Variants in DAB1 observed in about 807,000 individuals in gnomAD.
DAB1 encodes the protein disabled homolog 1.
A neutral mutation model predicts 64.6 loss-of-function variants in DAB1; 15 were observed. That is an observed-to-expected ratio of 0.23 (90% CI 0.16 to 0.36). DAB1 has a LOEUF of 0.36. Ranked by LOEUF, DAB1 falls within the 10% of genes least tolerant of loss-of-function variation. DAB1 has a pLI of 1.00. For synonymous variants in DAB1, 235 were observed against 251.9 expected (o/e 0.93, Z 0.64); for missense variants, 596 against 706.7 (o/e 0.84, Z 1.78).
chr1:57,846,965 C>T (rs1325183570), intron 1 of DAB1, among the ~76,000 whole-genome samples: 1 of 152,108 alleles, frequency 6.6e-6, no homozygotes, highest in Non-Finnish European at 1.5e-5. Flanking sequence ...GTGTGACATG[C>T]CTGAAGCACA....
chr1:57,079,540 T>C (rs781235529), intron 4 of DAB1, among the ~76,000 whole-genome samples: 1 of 152,172 alleles, frequency 6.6e-6, no homozygotes, highest in Non-Finnish European at 1.5e-5. Flanking sequence ...GCAAATCTGA[T>C]ACATCTTTCT....
chr1:58,285,869 G>A lies in DAB1; in HGVS notation n.309+57483C>T, dbSNP rs585903. 7.1e-3 allele frequency among the ~76,000 whole-genome samples: 1,080 copies of A among 152,264 alleles called. 16 individuals carry two copies. Among genetic ancestry groups the A allele is most frequent in the African/African-American group, 0.025 (1,043 of 41,546 alleles). The stretch of plus-strand genomic sequence containing the variant: ...GCCCACATAGCCAAGACAATTGTAA[G>A]TAAAAAGAGCAAAGCTGGAGGCACC... On this transcript the variant is annotated intron_variant and non_coding_transcript_variant, in intron 4 of 20. Transcript: ENST00000485760.
intron 3 of DAB1, among the ~76,000 whole-genome samples, chr1:58,476,937 T>G (rs992819156): frequency 3.3e-5 from 5 of 152,168 alleles, no homozygotes; most frequent in Non-Finnish European, 7.3e-5. Flanking sequence ...GTTCTGTCAT[T>G]GAGAGTTGAG....
chr1:57,273,553 G>T (rs12723258), intron 2 of DAB1, among the ~76,000 whole-genome samples: 3,173 of 59,940 alleles, frequency 0.053, 84 homozygotes, highest in Non-Finnish European at 0.075. Flanking sequence ...CTGCCTGCCT[G>T]CCTTCCTTCC....
chr1:57,568,124 C>A (rs1645146090), intron 7 of DAB1, among the ~76,000 whole-genome samples: 2 of 152,094 alleles, frequency 1.3e-5, no homozygotes, highest in Admixed American at 1.3e-4. Context: ...TAATACCACA[C>A]ATCTACAACT....
chr1:57,464,508 A>G (rs1686891426), intron 7 of DAB1, among the ~76,000 whole-genome samples: 1 of 152,090 alleles, frequency 6.6e-6, no homozygotes, highest in African/African-American at 2.4e-5. Flanking sequence ...TTCCTCTCCT[A>G]CACCAGGCAT....
intron 5 of DAB1, among the ~76,000 whole-genome samples, chr1:58,002,604 AAC>A (rs1646522642): frequency 6.6e-6 from 1 of 152,150 alleles, no homozygotes; most frequent in Non-Finnish European, 1.5e-5. Context: ...ATGCAAAGAT[AAC>A]AGTTTCCCTT....
intron 5 of DAB1, among the ~76,000 whole-genome samples, chr1:58,095,238 G>A (rs1415682967): frequency 2.6e-5 from 4 of 152,204 alleles, no homozygotes; most frequent in Non-Finnish European, 1.5e-5. Context: ...CTCTTCGCAT[G>A]TACTTAGTCT....
intron 5 of DAB1, among the ~76,000 whole-genome samples, chr1:57,972,034 T>C (rs943314400): frequency 4.6e-5 from 7 of 152,288 alleles, no homozygotes; most frequent in South Asian, 2.1e-4. Context: ...GAAAAAGCAA[T>C]GCTATGTACA....
chr1:57,127,508 T>A (rs553469712), intron 4 of DAB1, among the ~76,000 whole-genome samples: 1 of 152,352 alleles, frequency 6.6e-6, no homozygotes, highest in Admixed American at 6.5e-5. Flanking sequence ...TAACAGAGTA[T>A]ATTATTTATG....
At chr1:57,972,685 A>G (rs2764693) in intron 5 of DAB1, among the ~76,000 whole-genome samples, 148,449 of 152,332 alleles carry the variant, frequency 0.97, 72,434 homozygotes, top group East Asian at 1. Context: ...AGGATCTGAC[A>G]CCAACTGGAT....
At chr1:57,159,152 G>T (rs1660505804) in intron 2 of DAB1, among the ~76,000 whole-genome samples, 1 of 151,962 alleles carries the variant, frequency 6.6e-6, no homozygotes, top group South Asian at 2.1e-4. Context: ...TCTGGCAAAG[G>T]TCTACTAGTA....
chr1:57,555,695 G>T (rs1213230384), intron 7 of DAB1, among the ~76,000 whole-genome samples: 2 of 152,160 alleles, frequency 1.3e-5, no homozygotes, highest in Non-Finnish European at 2.9e-5. Context: ...TGAGTGATTT[G>T]TCCAGGGTCA....
At chr1:57,079,713 T>C (rs1191063812) in intron 4 of DAB1, among the ~76,000 whole-genome samples, 1 of 152,180 alleles carries the variant, frequency 6.6e-6, no homozygotes, top group Admixed American at 6.5e-5. Context: ...GTCTCTCAAA[T>C]GCACCACGCT....
chr1:58,352,225 C>T (rs1282795111), intron 3 of DAB1, among the ~76,000 whole-genome samples: 1 of 152,052 alleles, frequency 6.6e-6, no homozygotes, highest in African/African-American at 2.4e-5. Flanking sequence ...GCCTAGATGC[C>T]TCCCCTGCCT....
At chr1:57,654,069 A>G (rs748023815) in intron 6 of DAB1, among the ~76,000 whole-genome samples, 1 of 152,228 alleles carries the variant, frequency 6.6e-6, no homozygotes, top group Non-Finnish European at 1.5e-5. Flanking sequence ...ATTTCTCTAC[A>G]TGCTAAAATA....
chr1:57,882,485 T>C lies in DAB1; in HGVS notation n.87+1514A>G, dbSNP rs78478910. Reference sequence around the variant, plus strand: ...ATTCCCCCACTGGATTTTGAGCTCCTCTAAGGAAAAGGAAATATGTTTTGG... The same window carrying C: ...ATTCCCCCACTGGATTTTGAGCTCCCCTAAGGAAAAGGAAATATGTTTTGG... On this transcript the variant is annotated intron_variant and non_coding_transcript_variant, in intron 1 of 1. Transcript: ENST00000477280. 5.1e-3 allele frequency among the ~76,000 whole-genome samples: 777 copies of C among 152,288 alleles called. 4 individuals are homozygous for C. The highest frequency in any genetic ancestry group is 0.017 in the African/African-American group (695 of 41,556).
At chr1:57,914,742 C>A (rs1211480369) in intron 5 of DAB1, among the ~76,000 whole-genome samples, 1 of 152,076 alleles carries the variant, frequency 6.6e-6, no homozygotes, top group Non-Finnish European at 1.5e-5. Context: ...TCTTGTATAA[C>A]AGAAATGGGT....
At chr1:57,471,712 C>A (rs1193648376) in intron 7 of DAB1, among the ~76,000 whole-genome samples, 1 of 152,182 alleles carries the variant, frequency 6.6e-6, no homozygotes, top group Non-Finnish European at 1.5e-5. Flanking sequence ...GCCTCCCCAG[C>A]CACATGGAAC....
Sources: allele counts gnomAD v4.1 joint callset (sites outside exome capture counted in the v4.1 genomes callset), GRCh38; gene constraint gnomAD v4.1.1; transcripts MANE v1.5; gene names NCBI Gene and HGNC (gene_info 2026-07-23, HGNC 2026-07-21).